VAPB: variants seen among roughly 807,000 people sequenced by gnomAD.
The protein encoded by VAPB is VAMP associated protein B and C.
VAPB carries 7 observed loss-of-function variants against 25.6 expected under a neutral mutation model. The ratio of observed to expected loss-of-function variants is 0.27; its 90% CI spans 0.16 to 0.51. The LOEUF is 0.51. Ranked by LOEUF, VAPB falls within the 20% of genes least tolerant of loss-of-function variation. VAPB has a pLI of 0.97. For missense variants in VAPB, 266 were observed against 301.3 expected (o/e 0.88, Z 0.87); for synonymous variants, 112 against 109.2 (o/e 1.03, Z -0.16).
At chr20:58,426,821 C>T (rs1019008087) in intron 2 of VAPB, among the ~76,000 whole-genome samples, 1 of 152,054 alleles carries the variant, frequency 6.6e-6, no homozygotes, top group Admixed American at 6.5e-5. Context: ...TGGGCCTCAG[C>T]TGAGATTGTG....
intron 1 of VAPB, among the ~76,000 whole-genome samples, chr20:58,417,363 C>A (rs1374596120): frequency 6.6e-6 from 1 of 152,142 alleles, no homozygotes; most frequent in East Asian, 1.9e-4. Context: ...AAAGATCTCC[C>A]ATATTGTTAA....
intron 2 of VAPB, among the ~76,000 whole-genome samples, chr20:58,424,357 A>G (rs764963551): frequency 2.6e-5 from 4 of 152,106 alleles, no homozygotes; most frequent in Non-Finnish European, 5.9e-5. Flanking sequence ...CCCATGTGAC[A>G]GTGCATAGCA....
At chr20:58,442,922 TA>T (rs1002734314) in intron 5 of VAPB, among the ~76,000 whole-genome samples, 5 of 152,160 alleles carry the variant, frequency 3.3e-5, no homozygotes. Context: ...GTGTGGGGTT[TA>T]AGGATGAGGA....
At chr20:58,400,860 A>T (rs1400090107) in intron 1 of VAPB, among the ~76,000 whole-genome samples, 2 of 152,252 alleles carry the variant, frequency 1.3e-5, no homozygotes, top group Admixed American at 1.3e-4. Context: ...GTTGGCATGT[A>T]AATATATCCT....
chr20:58,439,156 A>G (rs1385679784), intron 4 of VAPB, 131 bp downstream of exon 4: 2 of 827,342 alleles, frequency 2.4e-6, no homozygotes, highest in African/African-American at 3.4e-5. Context: ...AAAAAAAATA[A>G]GCTGAAGTCA....
intron 2 of VAPB, chr20:58,431,457 A>G (rs1400331727): frequency 6.6e-6 from 1 of 152,134 alleles, no homozygotes; most frequent in Non-Finnish European, 1.5e-5. Flanking sequence ...GTTTTTCTCT[A>G]GAGTCAAAGC....
At chr20:58,405,915 A>G (rs1988219595) in intron 1 of VAPB, among the ~76,000 whole-genome samples, 1 of 151,914 alleles carries the variant, frequency 6.6e-6, no homozygotes, top group African/African-American at 2.4e-5. Flanking sequence ...CACCACGCCT[A>G]AGTAATTTTT....
intron 1 of VAPB, among the ~76,000 whole-genome samples, chr20:58,417,305 C>G (rs117405880): frequency 0.019 from 2,932 of 152,212 alleles, 44 homozygotes; most frequent in Non-Finnish European, 0.029. Context: ...AGCCCCTATC[C>G]CTTGCACATG....
intron 1 of VAPB, among the ~76,000 whole-genome samples, chr20:58,406,094 G>T (rs1482922453): frequency 1.3e-5 from 2 of 152,124 alleles, no homozygotes; most frequent in African/African-American, 4.8e-5. Context: ...TGGGACTCAA[G>T]AGTGCCGTTT....
chr20:58,430,910 AGGCTG>A (rs1988913614), intron 2 of VAPB: 1 of 152,252 alleles, frequency 6.6e-6, no homozygotes, highest in African/African-American at 2.4e-5. Context: ...AATAGAAGAC[AGGCTG>A]GATGCTCATA....
intron 3 of VAPB, among the ~76,000 whole-genome samples, chr20:58,436,430 CT>C (rs941794927): frequency 9.5e-5 from 14 of 147,918 alleles, no homozygotes; most frequent in African/African-American, 3.5e-4. Context: ...ACCTCCTGGG[CT>C]CAAGTGATCC....
At chr20:58,396,103 C>T (rs1486140811) in intron 1 of VAPB, among the ~76,000 whole-genome samples, 2 of 152,018 alleles carry the variant, frequency 1.3e-5, no homozygotes, top group Non-Finnish European at 2.9e-5. Context: ...CGTGAGAAAA[C>T]CTTGGAATAC....
At chr20:58,437,610 A>G (rs1334292931) in intron 3 of VAPB, among the ~76,000 whole-genome samples, 3 of 152,214 alleles carry the variant, frequency 2.0e-5, no homozygotes. Flanking sequence ...TGCTTTTAGC[A>G]TTCAGTGATG....
At chr20:58,435,128 C>T (rs994047755) in intron 3 of VAPB, among the ~76,000 whole-genome samples, 2 of 152,168 alleles carry the variant, frequency 1.3e-5, no homozygotes, top group Non-Finnish European at 2.9e-5. Flanking sequence ...TGAATGTCCT[C>T]ACCCATTTAG....
chr20:58,450,310 TTTTCA>T lies in VAPB; in HGVS notation c.*6077_*6081del, dbSNP rs1439408513. 11 of 454,072 alleles carry T rather than the reference TTTTCA, an allele frequency of 2.4e-5. No individual in the cohort carries two copies. The East Asian group carries it at 7.6e-4, about 32-fold the overall frequency. The allele number at this position is 454,072 out of a possible 1,614,324, so 28.1% of individuals were successfully genotyped here. A position where few individuals can be genotyped will look rare whatever the true frequency, so the allele number is the denominator to read the frequency against. On this transcript the variant is annotated 3_prime_UTR_variant, in exon 6 of 6. Coordinates refer to ENST00000475243, the MANE Select transcript of VAPB (RefSeq NM_004738.5). The stretch of plus-strand genomic sequence containing the variant: ...CATGTGTACAAGAACTACTTTTTGC[TTTTCA>T]TCATTCACTCCTTAGCAAACGTTTC...
intron 1 of VAPB, among the ~76,000 whole-genome samples, chr20:58,417,994 C>T (rs1054487109): frequency 2.0e-5 from 3 of 152,170 alleles, no homozygotes; most frequent in Non-Finnish European, 4.4e-5. Flanking sequence ...TGTTAGAACA[C>T]TTACACTAGG....
chr20:58,441,729 T>C (rs1442226627), intron 5 of VAPB, among the ~76,000 whole-genome samples: 1 of 152,242 alleles, frequency 6.6e-6, no homozygotes, highest in Non-Finnish European at 1.5e-5. Flanking sequence ...TAGTTTTTAT[T>C]TTGAATATGC....
At position 58,443,398 on chromosome 20, in the gene VAPB, GTTTTTTTTTTTT is replaced by G. The variant is rs397773897; in HGVS notation, c.574-669_574-658del. Among the ~76,000 whole-genome samples the G allele has an allele frequency of 8.9e-5, 10 of 112,836 alleles. No individual in the cohort carries two copies. In the South Asian group the frequency reaches 1.7e-3, roughly 20 times the overall value. 74.0% of individuals were successfully genotyped at this position (112,836 alleles called of 152,430 possible). A position where few individuals can be genotyped will look rare whatever the true frequency, so the allele number is the denominator to read the frequency against. On this transcript the variant is annotated intron_variant, in intron 5 of 5. Coordinates refer to ENST00000475243, the MANE Select transcript of VAPB (RefSeq NM_004738.5). Reference sequence around the variant, plus strand: ...AAGCTTCCAGATGTCCCACTTTTAGGTTTTTTTTTTTTTTTTTTTTTAATATGGAGTCTCACT... The same window carrying G: ...AAGCTTCCAGATGTCCCACTTTTAGGTTTTTTTTTAATATGGAGTCTCACT...
chr20:58,395,286 G>A (rs1987926659), intron 1 of VAPB, among the ~76,000 whole-genome samples: 1 of 151,884 alleles, frequency 6.6e-6, no homozygotes, highest in African/African-American at 2.4e-5. Context: ...CGAGTAGCTG[G>A]GACTACAGGC....
Sources: allele counts gnomAD v4.1 joint callset (sites outside exome capture counted in the v4.1 genomes callset), GRCh38; gene constraint gnomAD v4.1.1; transcripts MANE v1.5; gene names NCBI Gene and HGNC (gene_info 2026-07-23, HGNC 2026-07-21).